Variants in SYN3 observed in about 807,000 individuals in gnomAD.
SYN3 encodes synapsin-3.
A neutral mutation model predicts 65.8 loss-of-function variants in SYN3; 35 were observed. That is an observed-to-expected ratio of 0.53 (90% confidence interval 0.41 to 0.70). SYN3 has a LOEUF of 0.70. Ranked by LOEUF, SYN3 falls within the 30% of genes least tolerant of loss-of-function variation. The probability of loss-of-function intolerance (pLI) is 0.00; values close to 1 mark genes in which losing one functional copy is unlikely to be tolerated. For synonymous variants in SYN3, 270 were observed against 292.9 expected (o/e 0.92, Z 0.80); for missense variants, 680 against 749.0 (o/e 0.91, Z 1.08).
chr22:32,986,698 A>T (rs1025341759), intron 2 of SYN3, among the ~76,000 whole-genome samples: 7 of 151,998 alleles, frequency 4.6e-5, no homozygotes, highest in Admixed American at 4.6e-4. Context: ...AAATGGATGG[A>T]CCCGCTGTGC....
At chr22:33,046,237 T>A (rs1047790268) in intron 1 of SYN3, among the ~76,000 whole-genome samples, 14 of 152,236 alleles carry the variant, frequency 9.2e-5, no homozygotes, top group African/African-American at 3.4e-4. Flanking sequence ...ACGTTGTTGA[T>A]GGAAATGCAA....
chr22:32,631,498 A>G lies in SYN3; in HGVS notation c.712-34762T>C, dbSNP rs113995814. On this transcript the variant is annotated intron_variant, in intron 6 of 13. Coordinates refer to ENST00000358763, the MANE Select transcript of SYN3 (RefSeq NM_003490.4). ...TCCTTCAGGGACAAGAAGGAAAGAA[A>G]AATAAATTCACCTGGAGTCAAGTAA... is the stretch of plus-strand genomic sequence containing the variant. Among the ~76,000 whole-genome samples, 534 of 152,282 alleles carry G rather than the reference A, an allele frequency of 3.5e-3. 3 individuals carry two copies. The highest frequency in any genetic ancestry group is 0.016 in the South Asian group (79 of 4,820).
At chr22:32,853,125 C>T (rs2048269360) in intron 6 of SYN3, among the ~76,000 whole-genome samples, 1 of 152,150 alleles carries the variant, frequency 6.6e-6, no homozygotes, top group African/African-American at 2.4e-5. Context: ...CAGGGTCTCG[C>T]CTTTGAAGCT....
intron 6 of SYN3, among the ~76,000 whole-genome samples, chr22:32,660,851 C>T (rs2060207147): frequency 7.3e-6 from 1 of 137,096 alleles, no homozygotes; most frequent in African/African-American, 3.0e-5. Context: ...AACAGACTCT[C>T]ACCTAAGGAC....
intron 1 of SYN3, among the ~76,000 whole-genome samples, chr22:33,009,504 A>C (rs2053293301): frequency 6.6e-6 from 1 of 152,120 alleles, no homozygotes; most frequent in Admixed American, 6.6e-5. Context: ...TTCTTTATAC[A>C]TTCTAGATAC....
intron 6 of SYN3, among the ~76,000 whole-genome samples, chr22:32,792,277 T>C (rs1372134075): frequency 6.6e-6 from 1 of 152,202 alleles, no homozygotes; most frequent in Non-Finnish European, 1.5e-5. Flanking sequence ...CAGGCCTTCG[T>C]TGGTTCCTAA....
intron 7 of SYN3, among the ~76,000 whole-genome samples, chr22:32,561,388 C>A (rs966495480): frequency 1.3e-5 from 2 of 152,176 alleles, no homozygotes. Context: ...GGGTAGGTGC[C>A]TTCACTGGCT....
At chr22:32,912,344 G>A (rs1368943905) in intron 4 of SYN3, among the ~76,000 whole-genome samples, 1 of 152,140 alleles carries the variant, frequency 6.6e-6, no homozygotes, top group Non-Finnish European at 1.5e-5. Context: ...CGTGGGGCCT[G>A]GGATAGGAAA....
chr22:32,638,912 T>C (rs2059856449), intron 6 of SYN3, among the ~76,000 whole-genome samples: 1 of 152,186 alleles, frequency 6.6e-6, no homozygotes, highest in South Asian at 2.1e-4. Context: ...AGAATGGTGT[T>C]TCCTAGGTTT....
At chr22:32,756,399 G>A (rs1198525445) in intron 6 of SYN3, among the ~76,000 whole-genome samples, 2 of 152,194 alleles carry the variant, frequency 1.3e-5, no homozygotes, top group African/African-American at 2.4e-5. Context: ...TTGTGCACAT[G>A]TACTCTAAAA....
intron 6 of SYN3, among the ~76,000 whole-genome samples, chr22:32,611,284 G>GTTTTTT (rs1201383074): frequency 3.5e-4 from 33 of 94,510 alleles, no homozygotes; most frequent in Admixed American, 5.5e-4. Flanking sequence ...TTTTTTTTTT[G>GTTTTTT]TTTTTTTTTT....
At chr22:33,043,268 C>G (rs1008916285) in intron 1 of SYN3, among the ~76,000 whole-genome samples, 2 of 152,242 alleles carry the variant, frequency 1.3e-5, no homozygotes, top group Non-Finnish European at 1.5e-5. Flanking sequence ...CAAGCAAGAG[C>G]TGGGCACAGT....
At chr22:32,699,856 T>C (rs920364951) in intron 6 of SYN3, among the ~76,000 whole-genome samples, 2 of 152,174 alleles carry the variant, frequency 1.3e-5, no homozygotes, top group African/African-American at 4.8e-5. Flanking sequence ...TTTAAGCACC[T>C]TGAGGCAAGG....
chr22:32,693,273 G>C (rs923205983), intron 6 of SYN3, among the ~76,000 whole-genome samples: 2 of 152,166 alleles, frequency 1.3e-5, no homozygotes, highest in African/African-American at 2.4e-5. Flanking sequence ...CACCACTGTC[G>C]ATCTGATAAC....
intron 6 of SYN3, among the ~76,000 whole-genome samples, chr22:32,831,954 G>A (rs1283595826): frequency 6.6e-6 from 1 of 152,154 alleles, no homozygotes; most frequent in African/African-American, 2.4e-5. Flanking sequence ...CTCCTCAGGG[G>A]CAGGCAGGGC....
intron 4 of SYN3, among the ~76,000 whole-genome samples, chr22:32,895,756 T>C (rs137518): frequency 0.8 from 122,243 of 152,086 alleles, 49,646 homozygotes; most frequent in African/African-American, 0.88. Flanking sequence ...CGACAAACAT[T>C]TCCAAGTGTC....
chr22:32,564,107 G>T (rs890913558), intron 7 of SYN3, among the ~76,000 whole-genome samples: 1 of 152,194 alleles, frequency 6.6e-6, no homozygotes, highest in Non-Finnish European at 1.5e-5. Flanking sequence ...AAGTGGTGCA[G>T]AGCTGACCTA....
At chr22:32,799,660 CA>C (rs2046514199) in intron 6 of SYN3, among the ~76,000 whole-genome samples, 1 of 152,174 alleles carries the variant, frequency 6.6e-6, no homozygotes, top group African/African-American at 2.4e-5. Flanking sequence ...TGGAATAAGT[CA>C]TGTGGGGCGC....
At position 32,584,930 on chromosome 22, in the gene SYN3, CTAAT is replaced by C. The variant is rs1304530754; in HGVS notation, c.774+11740_774+11743del. ...GTGAAATTCTTTATAAATAAACTCT[CTAAT>C]TAAGTTGGCTCCTTGCCTTGTACTG... On this transcript the variant is annotated intron_variant, in intron 7 of 13. Coordinates refer to ENST00000358763, the MANE Select transcript of SYN3 (RefSeq NM_003490.4). Among the ~76,000 whole-genome samples the C allele has an allele frequency of 3.3e-5, 5 of 152,112 alleles. No homozygotes were observed. The South Asian group carries it at 6.2e-4, about 19-fold the overall frequency.
Sources: allele counts gnomAD v4.1 joint callset (sites outside exome capture counted in the v4.1 genomes callset), GRCh38; gene constraint gnomAD v4.1.1; transcripts MANE v1.5; gene names NCBI Gene and HGNC (gene_info 2026-07-23, HGNC 2026-07-21).